The following CPSF1 variants were observed in gnomAD, a reference collection of about 807,000 sequenced individuals.
CPSF1 encodes the protein cleavage and polyadenylation specificity factor subunit 1.
In CPSF1, 106 loss-of-function variants were observed where a neutral mutation model predicts 175.8. The ratio of observed to expected loss-of-function variants is 0.60; its 90% CI spans 0.52 to 0.71. CPSF1 has a LOEUF of 0.71. Ranked by LOEUF, CPSF1 falls within the 30% of genes least tolerant of loss-of-function variation. The probability of loss-of-function intolerance (pLI) is 0.00; values close to 1 mark genes in which losing one functional copy is unlikely to be tolerated. For missense variants in CPSF1, 1,734 were observed against 2,022.9 expected, an observed-to-expected ratio of 0.86 and a Z score of 2.74; for synonymous variants, 1,024 against 858.3, an observed-to-expected ratio of 1.19 and a Z score of -3.37.
Position 144,400,045 on chromosome 8 carries a change from C to T in CPSF1, c.978G>A (p.Gln326=). The stretch of plus-strand genomic sequence containing the variant: ...TCTTGTCGTAGGAGATGAAGGTGGC[C>T]TGGGCGCAGTCCAGGGTGATCCGCA... ...EGVRITLDCA[Q]ATFISYDKMV... is the part of the protein sequence containing the mutation. Residue 326 remains glutamine (Q), a synonymous_variant, in exon 10 of 38, where the codon CAG becomes CAA. Transcript: ENST00000616140. 6.2e-7 allele frequency: 1 copy of T among 1,608,910 alleles called. No individual in the cohort carries two copies.
Position 144,409,189 on chromosome 8 carries a change from G to A in CPSF1, c.-14-17C>T, listed in dbSNP as rs1455648346. The A allele has an allele frequency of 1.9e-6, 3 of 1,571,460 alleles. No homozygotes were observed. The highest frequency in any genetic ancestry group is 1.4e-5 in the African/African-American group (1 of 73,260). ...CAACCCGGGCTGCGCAAGGCCGGGAGAGGAAGGGTGAGCGGGGTCGCCCAC... is the reference window on the plus strand; with the variant it reads ...CAACCCGGGCTGCGCAAGGCCGGGAAAGGAAGGGTGAGCGGGGTCGCCCAC... On this transcript the variant is annotated splice_polypyrimidine_tract_variant and intron_variant, in intron 1 of 37. Transcript: ENST00000616140.
Position 144,393,890 on chromosome 8 carries a change from C to A in CPSF1, c.4008G>T (p.Thr1336=), listed in dbSNP as rs367644143. 1 of 1,611,040 alleles carries A rather than the reference C, an allele frequency of 6.2e-7. No individual in the cohort carries two copies. Among genetic ancestry groups the A allele is most frequent in the South Asian group, 1.1e-5 (1 of 90,774 alleles). Residue 1336 remains threonine, a synonymous_variant, in exon 35 of 38, where the codon ACG becomes ACT. Coordinates refer to ENST00000616140, the MANE Select transcript of CPSF1 (RefSeq NM_013291.3). ...KSVVWENKHI[T]WFATLDGGIG... is the part of the protein sequence containing the mutation. ...CTGCTCCCCCACACTCACCAAACCA[C>A]GTGATGTGCTTATTCTCCCACACGA...
chr8:144,400,135 G>GGGCCCCCCCCCCCCCCCCCCCCCCCCC, intron 9 of CPSF1, 31 bp downstream of exon 9: 47 of 895,966 alleles, frequency 5.2e-5, no homozygotes, highest in Non-Finnish European at 6.8e-5. Context: ...CCGTCCCCGG[G>GGGCCCCCCCCCCCCCCCCCCCCCCCCC]CCCCCCCCGC....
intron 2 of CPSF1, among the ~76,000 whole-genome samples, chr8:144,402,806 C>T (rs1223593107): frequency 5.3e-5 from 8 of 152,054 alleles, no homozygotes; most frequent in Non-Finnish European, 1.2e-4. Flanking sequence ...CTGACGGCAC[C>T]GCAGGTGGCT....
At chr8:144,408,409 G>A (rs752378613) in intron 2 of CPSF1, among the ~76,000 whole-genome samples, 1 of 152,066 alleles carries the variant, frequency 6.6e-6, no homozygotes, top group African/African-American at 2.4e-5. Flanking sequence ...TCAACCCTCC[G>A]GCAACCAAAA....
intron 26 of CPSF1, chr8:144,396,058 G>C: frequency 4.1e-6 from 2 of 488,276 alleles, no homozygotes; most frequent in Non-Finnish European, 3.7e-6. Context: ...ACTCACGTCA[G>C]CTCTCCTGAG....
At chr8:144,396,064 C>T in intron 26 of CPSF1, 1 of 508,490 alleles carries the variant, frequency 2.0e-6, no homozygotes, top group Non-Finnish European at 3.5e-6. Flanking sequence ...GTCAGCTCTC[C>T]TGAGAAGTGT....
In CPSF1 at chr8:144,396,901, T is replaced by C. The variant is rs1554864055; in HGVS notation, c.2621A>G (p.Tyr874Cys). The C allele has an allele frequency of 6.2e-7, 1 of 1,613,522 alleles. No individual in the cohort carries two copies. ...LVHVDQELLI[Y>C]EAFPHDSQLG... ...CTGAGAGTCGTGGGGGAAGGCCTCG[T>C]AGATAAGCAGCTCTTGGTCCACATG... The change falls in exon 24 of 38, where the codon TAC becomes TGC. Residue 874 changes from tyrosine to cysteine, a missense_variant. Tyr to Cys is a radical substitution (Grantham distance 194). This residue lies in a region of CPSF1 where 585 missense variants were observed against 584.7 expected (regional missense o/e 1.00). Coordinates refer to ENST00000616140, the MANE Select transcript of CPSF1 (RefSeq NM_013291.3).
At chr8:144,409,210 C>T in intron 1 of CPSF1, 38 bp from the exon 2 acceptor site, 1 of 1,485,312 alleles carries the variant, frequency 6.7e-7, no homozygotes, top group Non-Finnish European at 9.0e-7. Context: ...AGCGGGGTCG[C>T]CCACGCAGGA....
chr8:144,401,301 G>A lies in CPSF1; in HGVS notation c.307-10C>T. ...ACTCCACCACAGACAGCTGCGGTCA[G>A]AGGGCACAGCCGTGGCTGCCGACTG... is the stretch of plus-strand genomic sequence containing the variant. On this transcript the variant is annotated splice_polypyrimidine_tract_variant and intron_variant, in intron 4 of 37. Coordinates refer to ENST00000616140, the MANE Select transcript of CPSF1 (RefSeq NM_013291.3). The A allele has an allele frequency of 6.3e-7, 1 of 1,576,422 alleles. No homozygotes were observed. Among genetic ancestry groups the A allele is most frequent in the Non-Finnish European group, 8.6e-7 (1 of 1,161,708 alleles).
In CPSF1 at chr8:144,396,579, T is replaced by G. The variant is rs781801107; in HGVS notation, c.2826+19A>C. On this transcript the variant is annotated intron_variant, in intron 25 of 37. Transcript: ENST00000616140. ...GCGTCTCCCTTCTACCACAGACCCC[T>G]GCAAAGGCGCTGGCCTACCCCTGAG... 2 of 1,610,814 alleles carry G rather than the reference T, an allele frequency of 1.2e-6. No individual in the cohort carries two copies. The highest frequency in any genetic ancestry group is 1.7e-6 in the Non-Finnish European group (2 of 1,178,120).
intron 25 of CPSF1, 41 bp from the exon 26 acceptor site, chr8:144,396,541 T>C (rs1554863801): frequency 5.0e-6 from 8 of 1,608,830 alleles, no homozygotes; most frequent in Admixed American, 3.3e-5. Context: ...ATGAGGATGC[T>C]GCGGATGAGG....
chr8:144,401,464 C>A lies in CPSF1; in HGVS notation c.272G>T (p.Arg91Leu). 1 of 1,614,026 alleles carries A rather than the reference C, an allele frequency of 6.2e-7. No individual in the cohort carries two copies. ...CTTGAAGCTTAGGAGCAGGGCATCCCGCTTGGCTCCTGCCAGCTGCACGCT... is the reference window on the plus strand; with the variant it reads ...CTTGAAGCTTAGGAGCAGGGCATCCAGCTTGGCTCCTGCCAGCTGCACGCT... ...MASVQLAGAK[R>L]DALLLSFKDA... is the part of the protein sequence containing the mutation. Residue 91 changes from arginine to leucine, a missense_variant, in exon 4 of 38, where the codon CGG becomes CTG. By Grantham distance (102) the Arg-to-Leu change is moderately radical. This residue lies in a region of CPSF1 where 122 missense variants were observed against 177.2 expected (regional missense o/e 0.69). Transcript: ENST00000616140.
chr8:144,394,719 G>T lies in CPSF1; in HGVS notation c.3492C>A (p.Tyr1164Ter). 1 of 1,613,432 alleles carries T rather than the reference G, an allele frequency of 6.2e-7. No homozygotes were observed. The highest frequency in any genetic ancestry group is 8.5e-7 in the Non-Finnish European group (1 of 1,179,904). The change falls in exon 31 of 38, where the codon TAC becomes TAA. Residue 1164 changes from tyrosine (Y) to a stop codon, truncating the protein, a stop_gained. Transcript: ENST00000616140. LOFTEE classifies it high-confidence loss of function. ...TCACGGGCCCCTTCTGCTCCTTCTC[G>T]TAAAGGACTTTGAACTTGTTCTTGG... ...PLTKNKFKVLYEKEQKGPVTA... is the reference protein window; with the variant it reads ...PLTKNKFKVL
In CPSF1 at chr8:144,398,765, A is replaced by C; in HGVS notation, c.1638+14T>G. 1 of 1,590,368 alleles carries C rather than the reference A, an allele frequency of 6.3e-7. No individual in the cohort carries two copies. Among genetic ancestry groups the C allele is most frequent in the Non-Finnish European group, 8.6e-7 (1 of 1,164,784 alleles). ...TCCCATCCCAGGGCCTCCCTGCAGC[A>C]GGCTCGCACCTACCTCCTCCTTACG... On this transcript the variant is annotated intron_variant, in intron 17 of 37. Transcript: ENST00000616140.
chr8:144,393,287 C>T lies in CPSF1; in HGVS notation c.*31G>A, dbSNP rs530999703. ...TACAAAAAGGGGGTGGGAGGTAGTT[C>T]CGTGTGCTGGTGGTGACGGCATCCA... On this transcript the variant is annotated 3_prime_UTR_variant, in exon 38 of 38. Transcript: ENST00000616140. 2 of 1,477,400 alleles carry T rather than the reference C, an allele frequency of 1.4e-6. No homozygotes were observed. Among genetic ancestry groups the T allele is most frequent in the Admixed American group, 2.3e-5 (1 of 44,092 alleles). The allele number at this position is 1,477,400 out of a possible 1,614,324, so 91.5% of individuals were successfully genotyped here. A position where few individuals can be genotyped will look rare whatever the true frequency, so the allele number is the denominator to read the frequency against.
Position 144,393,804 on chromosome 8 carries a change from G to C in CPSF1, c.4016-8C>G, listed in dbSNP as rs782129330. ...TGCCGCCGTCCAGGGTGGCTGGCAG[G>C]GGTAGGGTGAGGGTTTTGGTGTGAG... On this transcript the variant is annotated splice_region_variant and splice_polypyrimidine_tract_variant and intron_variant, in intron 35 of 37. Transcript: ENST00000616140. The C allele has an allele frequency of 3.7e-6, 6 of 1,600,552 alleles. No individual in the cohort carries two copies. Among genetic ancestry groups the C allele is most frequent in the Non-Finnish European group, 4.2e-6 (5 of 1,178,546 alleles).
chr8:144,400,991 G>T lies in CPSF1; in HGVS notation c.472C>A (p.Arg158=), dbSNP rs2116880153. ...RCAAMLVYGT[R]LVVLPFRRES... ...CTGCGGAAGGGCAGGACCACCAGCC[G>T]CGTGCCGTAGACAAGCATGGCTGCA... Residue 158 remains arginine, a synonymous_variant, in exon 6 of 38, where the codon CGG becomes AGG. Coordinates refer to ENST00000616140, the MANE Select transcript of CPSF1 (RefSeq NM_013291.3). 1 of 1,610,464 alleles carries T rather than the reference G, an allele frequency of 6.2e-7. No individual in the cohort carries two copies. The highest frequency in any genetic ancestry group is 1.3e-5 in the African/African-American group (1 of 75,010).
chr8:144,400,534 G>A (rs2116876108), intron 7 of CPSF1, 41 bp from the exon 8 acceptor site: 59 of 1,610,052 alleles, frequency 3.7e-5, no homozygotes, highest in South Asian at 1.2e-4. Context: ...TTGCCTCCCC[G>A]CAGAGACCCA....
Sources: allele counts gnomAD v4.1 joint callset (sites outside exome capture counted in the v4.1 genomes callset), GRCh38; gene constraint gnomAD v4.1.1; regional missense constraint gnomAD v4.1.1; transcripts MANE v1.5; gene names NCBI Gene and HGNC (gene_info 2026-07-23, HGNC 2026-07-21).